Variants in SPMAP2 observed in about 807,000 individuals in gnomAD.
SPMAP2 encodes the protein Theg homolog.
At chr19:362,102 G>T in the SPMAP2 span, 1 of 842,722 alleles carries the variant, frequency 1.2e-6, no homozygotes, top group Non-Finnish European at 1.7e-6. Flanking sequence ...CCTTCTTTTG[G>T]CCTTCTAGCC....
chr19:362,834 G>A, the SPMAP2 span, among the ~76,000 whole-genome samples: 1 of 151,054 alleles, frequency 6.6e-6, no homozygotes, highest in Non-Finnish European at 1.5e-5. Flanking sequence ...GAGAAACGGA[G>A]GATGAAAATG....
the SPMAP2 span, chr19:375,861 T>C: frequency 6.3e-7 from 1 of 1,596,558 alleles, no homozygotes; most frequent in Admixed American, 1.7e-5. Flanking sequence ...CCGGCTCTCG[T>C]ACACAGAGCT....
At chr19:372,666 G>A in the SPMAP2 span, 127 of 1,614,054 alleles carry the variant, frequency 7.9e-5, no homozygotes, top group Non-Finnish European at 1.0e-4. Flanking sequence ...AGAATCTCTT[G>A]GGCCGAGACA....
chr19:364,277 C>CA, the SPMAP2 span, among the ~76,000 whole-genome samples: 5 of 135,856 alleles, frequency 3.7e-5, no homozygotes, highest in African/African-American at 8.4e-5. Context: ...GCGGAGCTTG[C>CA]AGTGAGCTGA....
chr19:373,545 A>G, the SPMAP2 span: 11 of 1,612,608 alleles, frequency 6.8e-6, no homozygotes, highest in Non-Finnish European at 8.5e-6. Flanking sequence ...GAATAAGCGG[A>G]CGGCTCAGGG....
the SPMAP2 span, among the ~76,000 whole-genome samples, chr19:364,129 C>A: frequency 1.3e-5 from 2 of 150,402 alleles, no homozygotes; most frequent in Non-Finnish European, 3.0e-5. Flanking sequence ...GTCAGGAGAT[C>A]GAGACCATCC....
chr19:374,829 C>T, the SPMAP2 span, among the ~76,000 whole-genome samples: 1 of 152,254 alleles, frequency 6.6e-6, no homozygotes, highest in Non-Finnish European at 1.5e-5. Context: ...GCTCCTGCCT[C>T]CCAGAAAGCT....
chr19:367,125 C>A, the SPMAP2 span: 2 of 1,613,192 alleles, frequency 1.2e-6, no homozygotes, highest in Admixed American at 1.7e-5. Flanking sequence ...GGCACGGGGT[C>A]CCACTCTTCC....
At chr19:364,152 T>G in the SPMAP2 span, among the ~76,000 whole-genome samples, 3 of 148,016 alleles carry the variant, frequency 2.0e-5, no homozygotes, top group Admixed American at 1.3e-4. Flanking sequence ...GCTCACACGG[T>G]GAAATCCCAT....
the SPMAP2 span, among the ~76,000 whole-genome samples, chr19:367,716 G>A: frequency 6.6e-4 from 100 of 152,228 alleles, 1 homozygote; most frequent in African/African-American, 2.3e-3. Flanking sequence ...GGGGACTCCT[G>A]CGCTTGACCC....
chr19:373,240 T>C, the SPMAP2 span, among the ~76,000 whole-genome samples: 1 of 152,114 alleles, frequency 6.6e-6, no homozygotes, highest in Non-Finnish European at 1.5e-5. Flanking sequence ...AAGGGTCTTT[T>C]TGTAAATTCT....
chr19:364,068 TC>T, the SPMAP2 span, among the ~76,000 whole-genome samples: 4 of 151,656 alleles, frequency 2.6e-5, no homozygotes, highest in Admixed American at 1.3e-4. Flanking sequence ...GCGCGGTGGC[TC>T]ATGCCTGTAA....
At chr19:374,253 G>GCCGC in the SPMAP2 span, 1 of 1,605,296 alleles carries the variant, frequency 6.2e-7, no homozygotes, top group Admixed American at 1.7e-5. Flanking sequence ...TGCAGAGAAA[G>GCCGC]CCGCCCACGC....
At chr19:373,736 G>A in the SPMAP2 span, among the ~76,000 whole-genome samples, 1 of 152,066 alleles carries the variant, frequency 6.6e-6, no homozygotes, top group Non-Finnish European at 1.5e-5. Flanking sequence ...GGAGGTAGCT[G>A]GGGGAGAAGC....
At chr19:362,358 T>G in the SPMAP2 span, 1 of 1,609,398 alleles carries the variant, frequency 6.2e-7, no homozygotes, top group South Asian at 1.1e-5. Flanking sequence ...ACCACCTTCT[T>G]GGTGACATCC....
At chr19:370,796 C>T in the SPMAP2 span, among the ~76,000 whole-genome samples, 10 of 152,106 alleles carry the variant, frequency 6.6e-5, no homozygotes, top group African/African-American at 2.2e-4. Context: ...AGATGCAGGG[C>T]GGGGGGCGGC....
At chr19:374,444 A>G in the SPMAP2 span, 21 of 1,613,818 alleles carry the variant, frequency 1.3e-5, no homozygotes, top group East Asian at 3.8e-4. Flanking sequence ...TCCACGTTGA[A>G]GTTGGAGCTG....
At chr19:371,797 A>G in the SPMAP2 span, among the ~76,000 whole-genome samples, 1 of 152,232 alleles carries the variant, frequency 6.6e-6, no homozygotes, top group African/African-American at 2.4e-5. Flanking sequence ...GCCTTCTGAA[A>G]TCAGGTCTCA....
At chr19:364,057 G>GC in the SPMAP2 span, among the ~76,000 whole-genome samples, 3 of 151,916 alleles carry the variant, frequency 2.0e-5, no homozygotes, top group Non-Finnish European at 4.4e-5. Flanking sequence ...ATTTCGGTTG[G>GC]GCGCGGTGGC....
Sources: gnomAD v4.1 joint callset for allele counts (sites outside exome capture counted in the v4.1 genomes callset) on GRCh38, gnomAD v4.1.1 for gene constraint, MANE v1.5 for transcripts, NCBI Gene and HGNC (gene_info 2026-07-23, HGNC 2026-07-21) for gene names.